The following ERO1B variants were observed in gnomAD, a reference collection of about 807,000 sequenced individuals.
The protein encoded by ERO1B is endoplasmic reticulum oxidoreductase 1 beta.
Under a neutral mutation model 75.3 loss-of-function variants are expected in ERO1B, and 49 were observed. That is an observed-to-expected ratio of 0.65 (90% confidence interval 0.52 to 0.83). The LOEUF (loss-of-function observed/expected upper bound fraction) is 0.83, where lower values mean the gene tolerates loss of function less well. Among genes scored for constraint, ERO1B ranks in the 40% least tolerant of loss-of-function variants. ERO1B has a pLI of 0.00. For missense variants in ERO1B, 512 were observed against 560.1 expected, an observed-to-expected ratio of 0.91 and a Z score of 0.87; for synonymous variants, 191 against 192.9, an observed-to-expected ratio of 0.99 and a Z score of 0.08.
chr1:236,251,092 A>G (rs1665015102), intron 4 of ERO1B, among the ~76,000 whole-genome samples: 1 of 152,286 alleles, frequency 6.6e-6, no homozygotes, highest in Admixed American at 6.5e-5. Context: ...TAAGATGATG[A>G]GCAAAATCCA....
intron 2 of ERO1B, among the ~76,000 whole-genome samples, chr1:236,265,167 G>C (rs1359754151): frequency 1.3e-5 from 2 of 151,572 alleles, no homozygotes; most frequent in African/African-American, 4.9e-5. Flanking sequence ...CTTGGTTCCT[G>C]ACCTAAGTGA....
At chr1:236,254,329 C>G (rs1665108862) in intron 2 of ERO1B, among the ~76,000 whole-genome samples, 1 of 152,214 alleles carries the variant, frequency 6.6e-6, no homozygotes, top group Admixed American at 6.5e-5. Context: ...TTTGTCACCA[C>G]CTACCTCTTG....
At position 236,221,419 on chromosome 1, in the gene ERO1B, T is replaced by C. The variant is rs116215586; in HGVS notation, c.1210-454A>G. Among the ~76,000 whole-genome samples the C allele has an allele frequency of 3.5e-3, 528 of 152,324 alleles. 5 individuals carry two copies. The highest frequency in any genetic ancestry group is 0.012 in the African/African-American group (482 of 41,582). On this transcript the variant is annotated intron_variant, in intron 14 of 15. Transcript: ENST00000354619. ...GTAATAATTTTGTCTCTTAATTTTCTATAAGTTACCATCTTTGTTAGAAAG... is the reference window on the plus strand; with the variant it reads ...GTAATAATTTTGTCTCTTAATTTTCCATAAGTTACCATCTTTGTTAGAAAG...
At chr1:236,241,451 G>C (rs908529791) in intron 6 of ERO1B, among the ~76,000 whole-genome samples, 2 of 152,218 alleles carry the variant, frequency 1.3e-5, no homozygotes, top group African/African-American at 4.8e-5. Context: ...GGGAGGCTGA[G>C]GCAGAATTGC....
intron 4 of ERO1B, among the ~76,000 whole-genome samples, chr1:236,250,591 A>ATG (rs1664995760): frequency 5.3e-5 from 3 of 56,812 alleles, no homozygotes; most frequent in Non-Finnish European, 1.1e-4. Flanking sequence ...ATATATATAT[A>ATG]TATATATATA....
rs1009366101 is a variant in ERO1B, at chr1:236,221,940, A to G, written c.1193T>C (p.Leu398Ser). The change falls in exon 14 of 16, where the codon TTA becomes TCA. Residue 398 changes from leucine to serine, a missense_variant. Leu to Ser is a moderately radical substitution (Grantham distance 145). Transcript: ENST00000354619. ...MDCVGCDKCR[L>S]WGKLQTQGLG... ...CACATATACCTGTAATTTTCCCCAT[A>G]ATCTGCATTTGTCACATCCAACACA... 1.9e-6 allele frequency: 3 copies of G among 1,613,268 alleles called. No individual in the cohort carries two copies. In the African/African-American group the frequency reaches 4.0e-5, roughly 22 times the overall value.
chr1:236,262,160 A>C (rs1665306915), intron 2 of ERO1B, among the ~76,000 whole-genome samples: 1 of 152,230 alleles, frequency 6.6e-6, no homozygotes, highest in Admixed American at 6.5e-5. Context: ...ACAAGTTAGG[A>C]AGCCCAGAAA....
At chr1:236,250,601 A>ATATATATAT (rs1664998227) in intron 4 of ERO1B, among the ~76,000 whole-genome samples, 5 of 63,932 alleles carry the variant, frequency 7.8e-5, no homozygotes, top group African/African-American at 2.8e-4. Flanking sequence ...ATATATATAT[A>ATATATATAT]TATATATATA....
At chr1:236,256,775 C>T (rs940990649) in intron 2 of ERO1B, among the ~76,000 whole-genome samples, 1 of 152,068 alleles carries the variant, frequency 6.6e-6, no homozygotes, top group African/African-American at 2.4e-5. Context: ...CTTTTATAGC[C>T]TTCACTGGAG....
chr1:236,263,963 C>A (rs1665355587), intron 2 of ERO1B, among the ~76,000 whole-genome samples: 1 of 151,196 alleles, frequency 6.6e-6, no homozygotes, highest in Admixed American at 6.6e-5. Context: ...TCTGTTATAA[C>A]TTCTAAATGG....
At chr1:236,235,623 CA>C (rs1398820636) in intron 8 of ERO1B, among the ~76,000 whole-genome samples, 165 bp downstream of exon 8, 2 of 152,312 alleles carry the variant, frequency 1.3e-5, no homozygotes, top group South Asian at 2.1e-4. Flanking sequence ...TGTAAAACAA[CA>C]TGCCTAGAGA....
At chr1:236,228,755 T>C (rs1664333364) in intron 10 of ERO1B, among the ~76,000 whole-genome samples, 2 of 152,200 alleles carry the variant, frequency 1.3e-5, no homozygotes, top group African/African-American at 4.8e-5. Context: ...GGACTGCTAT[T>C]GCTCCTCTCC....
chr1:236,220,510 A>G (rs1441662656), intron 15 of ERO1B: 1 of 172,016 alleles, frequency 5.8e-6, no homozygotes, highest in African/African-American at 2.4e-5. Flanking sequence ...TTCTTTTATC[A>G]CCTTCTCAAT....
chr1:236,254,287 T>C (rs1388011205), intron 2 of ERO1B, among the ~76,000 whole-genome samples: 1 of 152,216 alleles, frequency 6.6e-6, no homozygotes, highest in Non-Finnish European at 1.5e-5. Flanking sequence ...TCCTCCCTTT[T>C]CTTGTTCCCC....
In ERO1B at chr1:236,235,965, C is replaced by T. The variant is rs1008842020; in HGVS notation, c.627-130G>A. The T allele has an allele frequency of 3.7e-6, 3 of 815,092 alleles. No homozygotes were observed. In the Admixed American group the frequency reaches 8.4e-5, roughly 23 times the overall value. The allele number at this position is 815,092 out of a possible 1,614,324, so 50.5% of individuals were successfully genotyped here. A position where few individuals can be genotyped will look rare whatever the true frequency, so the allele number is the denominator to read the frequency against. On this transcript the variant is annotated intron_variant, in intron 7 of 15. Transcript: ENST00000354619. ...TTTGAGACAGAGTTTCACTTAGTCACCCAGGCTGGAGTACAGTGGCGCAAT... is the reference window on the plus strand; with the variant it reads ...TTTGAGACAGAGTTTCACTTAGTCATCCAGGCTGGAGTACAGTGGCGCAAT...
At chr1:236,257,822 C>G (rs77313978) in intron 2 of ERO1B, among the ~76,000 whole-genome samples, 2,384 of 150,108 alleles carry the variant, frequency 0.016, 62 homozygotes, top group African/African-American at 0.054. Context: ...CTAGATCAAG[C>G]AGAAGAAAGG....
intron 2 of ERO1B, among the ~76,000 whole-genome samples, chr1:236,268,661 C>T (rs12563092): frequency 0.055 from 8,281 of 150,282 alleles, 575 homozygotes; most frequent in East Asian, 0.39. Context: ...CCAAGGCGGG[C>T]GGATCACAAG....
intron 1 of ERO1B, among the ~76,000 whole-genome samples, chr1:236,280,921 C>T (rs963434318): frequency 6.6e-6 from 1 of 152,196 alleles, no homozygotes; most frequent in Admixed American, 6.5e-5. Flanking sequence ...GCGAAAGGAT[C>T]TGGTCAGCTA....
intron 1 of ERO1B, among the ~76,000 whole-genome samples, 153 bp from the exon 2 acceptor site, chr1:236,270,147 T>G (rs1665559471): frequency 6.6e-6 from 1 of 152,218 alleles, no homozygotes; most frequent in South Asian, 2.1e-4. Flanking sequence ...CTTTTTACTG[T>G]GGCCAATGAG....
Sources: allele counts gnomAD v4.1 joint callset (sites outside exome capture counted in the v4.1 genomes callset), GRCh38; gene constraint gnomAD v4.1.1; transcripts MANE v1.5; gene names NCBI Gene and HGNC (gene_info 2026-07-23, HGNC 2026-07-21).